The following NR2F1-AS1 variants were observed in gnomAD, a reference collection of about 807,000 sequenced individuals.
NR2F1-AS1 encodes NR2F1 antisense RNA 1.
intron 4 of NR2F1-AS1, among the ~76,000 whole-genome samples, chr5:93,497,058 T>G (rs947593831): frequency 6.6e-5 from 10 of 152,108 alleles, no homozygotes; most frequent in African/African-American, 2.4e-4. Flanking sequence ...AATATAACCC[T>G]TTCTCAAATT....
chr5:93,451,892 A>G (rs1232488831), intron 4 of NR2F1-AS1, among the ~76,000 whole-genome samples: 1 of 152,256 alleles, frequency 6.6e-6, no homozygotes, highest in Non-Finnish European at 1.5e-5. Context: ...TGCTTTGCTT[A>G]CAGCTGAGGC....
intron 3 of NR2F1-AS1, among the ~76,000 whole-genome samples, chr5:93,554,631 A>C (rs1021057649): frequency 5.9e-5 from 9 of 152,236 alleles, no homozygotes; most frequent in African/African-American, 2.2e-4. Context: ...AACTAGATAT[A>C]AGTAAAACAA....
At chr5:93,487,844 T>C (rs540066776) in intron 4 of NR2F1-AS1, among the ~76,000 whole-genome samples, 8 of 152,168 alleles carry the variant, frequency 5.3e-5, no homozygotes, top group Non-Finnish European at 1.0e-4. Context: ...CTTCAAACTA[T>C]ACTACAAGGC....
chr5:93,475,691 A>T lies in NR2F1-AS1; in HGVS notation n.638+78070T>A, dbSNP rs534474116. 3.3e-5 allele frequency among the ~76,000 whole-genome samples: 5 copies of T among 152,340 alleles called. No individual in the cohort carries two copies. In the South Asian group the frequency reaches 1.0e-3, roughly 32 times the overall value. On this transcript the variant is annotated intron_variant and non_coding_transcript_variant, in intron 4 of 5. Transcript: ENST00000660523. ...CTCCAACTCAGTAAAACAGTTGCTA[A>T]AACTCATATGATGAAAGAAAGCTAG...
At chr5:93,441,251 C>T (rs969713842) in intron 4 of NR2F1-AS1, among the ~76,000 whole-genome samples, 1 of 152,136 alleles carries the variant, frequency 6.6e-6, no homozygotes, top group Middle Eastern at 3.2e-3. Flanking sequence ...CATCAAAGAC[C>T]TTTATCTTTG....
chr5:93,543,694 T>G (rs887175313), intron 4 of NR2F1-AS1: 1 of 152,198 alleles, frequency 6.6e-6, no homozygotes, highest in African/African-American at 2.4e-5. Context: ...CTTACAAACT[T>G]TTTTAACATC....
chr5:93,464,416 G>T (rs941963461), intron 4 of NR2F1-AS1, among the ~76,000 whole-genome samples: 8 of 152,066 alleles, frequency 5.3e-5, no homozygotes, highest in African/African-American at 1.9e-4. Flanking sequence ...TTATTTACTA[G>T]AAAATTAGAA....
intron 4 of NR2F1-AS1, among the ~76,000 whole-genome samples, chr5:93,491,368 TG>T (rs1057255959): frequency 2.2e-5 from 3 of 139,324 alleles, no homozygotes; most frequent in Admixed American, 7.1e-5. Flanking sequence ...GTGGTGATGG[TG>T]GGGGGGTGGT....
intron 4 of NR2F1-AS1, among the ~76,000 whole-genome samples, chr5:93,428,656 T>C (rs560231021): frequency 6.2e-4 from 95 of 152,284 alleles, no homozygotes; most frequent in Non-Finnish European, 1.1e-3. Flanking sequence ...TTTTGTCTTA[T>C]AATAGAAAAT....
In NR2F1-AS1 at chr5:93,447,319, A is replaced by C. The variant is rs1282275491; in HGVS notation, n.639-51777T>G. Among the ~76,000 whole-genome samples the C allele has an allele frequency of 2.0e-5, 3 of 152,230 alleles. No homozygotes were observed. In the East Asian group the frequency reaches 5.8e-4, roughly 29 times the overall value. ...AATCTACCCGTCTGACAAAGGGCTA[A>C]TATCCAGAATCTACAAAGAACTTAA... On this transcript the variant is annotated intron_variant and non_coding_transcript_variant, in intron 4 of 5. Coordinates refer to ENST00000660523, the Ensembl canonical transcript of NR2F1-AS1.
At chr5:93,418,553 T>TC (rs1325616595) in intron 4 of NR2F1-AS1, among the ~76,000 whole-genome samples, 1 of 151,812 alleles carries the variant, frequency 6.6e-6, no homozygotes. Flanking sequence ...ACCGCTGCAG[T>TC]CCAGCCTGGC....
At chr5:93,552,576 T>G (rs1752255766) in intron 4 of NR2F1-AS1, among the ~76,000 whole-genome samples, 1 of 151,796 alleles carries the variant, frequency 6.6e-6, no homozygotes, top group Non-Finnish European at 1.5e-5. Context: ...TAACTAAAAG[T>G]AGTTTTGACT....
intron 1 of NR2F1-AS1, among the ~76,000 whole-genome samples, chr5:93,571,947 T>A (rs1752778789): frequency 6.6e-6 from 1 of 151,990 alleles, no homozygotes; most frequent in Admixed American, 6.6e-5. Context: ...CTCTAGAGAC[T>A]CAGCTAGAAC....
intron 1 of NR2F1-AS1, among the ~76,000 whole-genome samples, chr5:93,578,543 C>G (rs1752948459): frequency 1.3e-5 from 2 of 152,226 alleles, no homozygotes; most frequent in East Asian, 1.9e-4. Flanking sequence ...AAAGAGAGAC[C>G]CTGGAGAGGG....
chr5:93,541,356 T>C (rs1396476908), intron 4 of NR2F1-AS1, among the ~76,000 whole-genome samples: 1 of 152,204 alleles, frequency 6.6e-6, no homozygotes, highest in Admixed American at 6.5e-5. Context: ...CACTATACTT[T>C]TTCCTCCTGG....
intron 1 of NR2F1-AS1, chr5:93,580,456 A>G (rs1358139854): frequency 6.6e-6 from 1 of 152,236 alleles, no homozygotes; most frequent in African/African-American, 2.4e-5. Context: ...GACAACCATT[A>G]TGTTACTTGC....
intron 4 of NR2F1-AS1, among the ~76,000 whole-genome samples, chr5:93,483,919 T>C (rs973470900): frequency 6.6e-6 from 1 of 151,892 alleles, no homozygotes; most frequent in African/African-American, 2.4e-5. Context: ...TAAAAAGAAA[T>C]GAACAAAACC....
At chr5:93,526,556 CA>C (rs1342256349) in intron 4 of NR2F1-AS1, among the ~76,000 whole-genome samples, 1 of 152,064 alleles carries the variant, frequency 6.6e-6, no homozygotes, top group Non-Finnish European at 1.5e-5. Context: ...AGGAAAATTT[CA>C]GGCCAACATC....
chr5:93,535,225 T>C lies in NR2F1-AS1; in HGVS notation n.638+18536A>G, dbSNP rs538646125. On this transcript the variant is annotated intron_variant and non_coding_transcript_variant, in intron 4 of 5. Coordinates refer to ENST00000660523, the Ensembl canonical transcript of NR2F1-AS1. ...ACAAAGCTCTCTCTTTGGTCATGTC[T>C]GTGGCATAACTACAGCCACTATAAA... Among the ~76,000 whole-genome samples, 46 of 151,806 alleles carry C rather than the reference T, an allele frequency of 3.0e-4. 1 individual carries two copies. The South Asian group carries it at 8.3e-3, about 27-fold the overall frequency.
Sources: gnomAD v4.1 joint callset for allele counts (sites outside exome capture counted in the v4.1 genomes callset) on GRCh38, gnomAD v4.1.1 for gene constraint, MANE v1.5 for transcripts, NCBI Gene and HGNC (gene_info 2026-07-23, HGNC 2026-07-21) for gene names.